ALK: variants seen among roughly 807,000 people sequenced by gnomAD.
The protein encoded by ALK is ALK tyrosine kinase receptor.
Under a neutral mutation model 163.1 loss-of-function variants are expected in ALK, and 74 were observed. The observed-to-expected ratio is 0.45, with a 90% CI of 0.38 to 0.55. The LOEUF (loss-of-function observed/expected upper bound fraction) is 0.55. Ranked by LOEUF, ALK falls within the 20% of genes least tolerant of loss-of-function variation. The probability of loss-of-function intolerance (pLI) is 0.00; values close to 1 mark genes in which losing one functional copy is unlikely to be tolerated. For synonymous variants in ALK, 960 were observed against 843.2 expected, an observed-to-expected ratio of 1.14 and a Z score of -2.40; for missense variants, 2,063 against 2,105.3, an observed-to-expected ratio of 0.98 and a Z score of 0.39.
intron 4 of ALK, among the ~76,000 whole-genome samples, chr2:29,493,464 C>T (rs768941579): frequency 6.6e-6 from 1 of 152,292 alleles, no homozygotes; most frequent in Middle Eastern, 3.4e-3. Flanking sequence ...CAAAACGAGT[C>T]CTTGTTAGGA....
intron 3 of ALK, among the ~76,000 whole-genome samples, chr2:29,565,307 G>A (rs1011451195): frequency 1.3e-5 from 2 of 152,198 alleles, no homozygotes; most frequent in Admixed American, 1.3e-4. Context: ...ACTGAGATTT[G>A]AACTCGGGTC....
chr2:29,881,104 T>G (rs990620271), intron 1 of ALK, among the ~76,000 whole-genome samples: 1 of 152,040 alleles, frequency 6.6e-6, no homozygotes. Context: ...AACCAGCTCA[T>G]GCTAGATGCA....
chr2:29,220,924 T>A (rs1382230359), intron 22 of ALK, 89 bp from the exon 23 acceptor site: 4 of 1,565,028 alleles, frequency 2.6e-6, no homozygotes, highest in Non-Finnish European at 3.5e-6. Flanking sequence ...AAAGTTACAT[T>A]TTCAGCAGCT....
rs182349755 is a variant in ALK at position 29,365,705 on chromosome 2, G to A, written c.1282+18027C>T. Among the ~76,000 whole-genome samples the A allele has an allele frequency of 2.3e-4, 35 of 152,236 alleles. No homozygotes were observed. The East Asian group carries it at 6.5e-3, about 28-fold the overall frequency. On this transcript the variant is annotated intron_variant, in intron 5 of 28. Coordinates refer to ENST00000389048, the MANE Select transcript of ALK (RefSeq NM_004304.5). ...TACAATCGATACCAAAAAGGGTTGG[G>A]TATTTAATGGAACATCAGAATTTTA...
At chr2:29,307,580 C>A (rs988154803) in intron 8 of ALK, among the ~76,000 whole-genome samples, 1 of 152,164 alleles carries the variant, frequency 6.6e-6, no homozygotes, top group African/African-American at 2.4e-5. Flanking sequence ...CAGTGTGAAC[C>A]GGTAATTTTG....
intron 3 of ALK, among the ~76,000 whole-genome samples, chr2:29,647,423 C>A (rs1413916084): frequency 1.3e-5 from 2 of 152,284 alleles, no homozygotes; most frequent in East Asian, 3.9e-4. Flanking sequence ...TCTCAGTTGA[C>A]TTCCCCATTC....
chr2:29,797,783 A>AT (rs535552250), intron 1 of ALK, among the ~76,000 whole-genome samples: 187 of 150,980 alleles, frequency 1.2e-3, no homozygotes, highest in African/African-American at 3.9e-3. Context: ...ATATTTGTTG[A>AT]TTTTTTTTTC....
chr2:29,260,858 A>C (rs532647146), intron 11 of ALK, among the ~76,000 whole-genome samples: 7,090 of 152,044 alleles, frequency 0.047, 251 homozygotes, highest in Non-Finnish European at 0.062. Flanking sequence ...ACAAAAAAAA[A>C]AACAACAACA....
chr2:29,702,912 T>C (rs1014073152), intron 2 of ALK, among the ~76,000 whole-genome samples: 33 of 152,342 alleles, frequency 2.2e-4, no homozygotes, highest in African/African-American at 7.5e-4. Flanking sequence ...CAATTCAAGA[T>C]GTGATTTGTG....
intron 1 of ALK, among the ~76,000 whole-genome samples, chr2:29,887,742 G>A (rs910700213): frequency 6.6e-6 from 1 of 152,160 alleles, no homozygotes; most frequent in African/African-American, 2.4e-5. Flanking sequence ...GGCTTGACAA[G>A]CCCATTATGT....
chr2:29,920,596 C>G lies in ALK; in HGVS notation c.64G>C (p.Gly22Arg). Residue 22 changes from glycine (G) to arginine (R), a missense_variant, in exon 1 of 29, where the codon GGG becomes CGG. Gly to Arg is a moderately radical substitution (Grantham distance 125). Coordinates refer to ENST00000389048, the MANE Select transcript of ALK (RefSeq NM_004304.5). ...CCCGCGCGCTGGCCGGTCCCCATCC[C>G]GGAGCCCACAGCTGCCGTGGAAAGC... ...LLLSTAAVGS[G>R]MGTGQRAGSP... The G allele has an allele frequency of 6.4e-7, 1 of 1,565,884 alleles. No individual in the cohort carries two copies. The highest frequency in any genetic ancestry group is 8.6e-7 in the Non-Finnish European group (1 of 1,161,842).
intron 1 of ALK, among the ~76,000 whole-genome samples, chr2:29,862,468 T>G (rs866243110): frequency 5.3e-5 from 8 of 152,156 alleles, no homozygotes; most frequent in African/African-American, 9.7e-5. Context: ...GAAATCATCA[T>G]ACAAAATTCA....
intron 11 of ALK, among the ~76,000 whole-genome samples, chr2:29,263,468 C>A (rs186183474): frequency 6.6e-6 from 1 of 152,200 alleles, no homozygotes; most frequent in Non-Finnish European, 1.5e-5. Flanking sequence ...GGATTTGGAG[C>A]TAGAAAGGTG....
intron 5 of ALK, among the ~76,000 whole-genome samples, chr2:29,355,385 A>T (rs13001260): frequency 6.6e-6 from 1 of 151,870 alleles, no homozygotes; most frequent in Non-Finnish European, 1.5e-5. Context: ...TTCTCAGGTC[A>T]CTTTCTACGA....
intron 1 of ALK, among the ~76,000 whole-genome samples, chr2:29,826,085 C>T (rs1476328724): frequency 6.6e-6 from 1 of 152,058 alleles, no homozygotes; most frequent in African/African-American, 2.4e-5. Flanking sequence ...GACAGGTGCC[C>T]ACCTGCAACT....
At chr2:29,509,726 C>T (rs1018503358) in intron 4 of ALK, among the ~76,000 whole-genome samples, 29 of 152,114 alleles carry the variant, frequency 1.9e-4, no homozygotes, top group Non-Finnish European at 1.3e-4. Context: ...TAATGGAATG[C>T]CTTTTACAAC....
At chr2:29,429,192 A>G (rs1178984954) in intron 4 of ALK, among the ~76,000 whole-genome samples, 1 of 152,060 alleles carries the variant, frequency 6.6e-6, no homozygotes, top group Non-Finnish European at 1.5e-5. Context: ...AAGATCAGGA[A>G]TAAGACAAGA....
At chr2:29,509,914 T>C (rs1276820387) in intron 4 of ALK, among the ~76,000 whole-genome samples, 1 of 152,074 alleles carries the variant, frequency 6.6e-6, no homozygotes, top group African/African-American at 2.4e-5. Flanking sequence ...TTGTGATCTG[T>C]TTGTGGTTCA....
At chr2:29,618,851 C>A (rs1003024293) in intron 3 of ALK, among the ~76,000 whole-genome samples, 1 of 152,160 alleles carries the variant, frequency 6.6e-6, no homozygotes, top group South Asian at 2.1e-4. Context: ...TGGTGGCGCA[C>A]GCCTGTAATC....
Sources: gnomAD v4.1 joint callset for allele counts (sites outside exome capture counted in the v4.1 genomes callset) on GRCh38, gnomAD v4.1.1 for gene constraint, MANE v1.5 for transcripts, NCBI Gene and HGNC (gene_info 2026-07-23, HGNC 2026-07-21) for gene names.